Variants in MARCHF6 observed in about 807,000 individuals in gnomAD.
MARCHF6 encodes the protein membrane associated ring-CH-type finger 6.
In MARCHF6, 31 loss-of-function variants were observed where a neutral mutation model predicts 133.7. The observed-to-expected ratio is 0.23, with a 90% confidence interval of 0.17 to 0.31. The LOEUF (loss-of-function observed/expected upper bound fraction) is 0.31. Among genes scored for constraint, MARCHF6 ranks in the 10% least tolerant of loss-of-function variants. The pLI, the probability that MARCHF6 is intolerant of heterozygous loss-of-function variation, is 1.00. For missense variants in MARCHF6, 723 were observed against 1,121.6 expected (o/e 0.64, Z 5.08); for synonymous variants, 395 against 402.5 (o/e 0.98, Z 0.22).
Position 10,411,461 on chromosome 5 carries a change from C to T in MARCHF6, c.1820C>T (p.Ala607Val). Residue 607 changes from alanine (A) to valine (V), a missense_variant, in exon 19 of 26, where the codon GCC becomes GTC. Ala to Val is a moderately conservative substitution (Grantham distance 64, BLOSUM62 0). Transcript: ENST00000274140. ...GTGGTGGGAGAAGGCCTTCATGCAGCCCACCAAGCCATACTCCAGCAGGGA... is the reference window on the plus strand; with the variant it reads ...GTGGTGGGAGAAGGCCTTCATGCAGTCCACCAAGCCATACTCCAGCAGGGA... ...IPVVGEGLHA[A>V]HQAILQQGGP... The T allele has an allele frequency of 6.2e-7, 1 of 1,614,164 alleles. No homozygotes were observed. The highest frequency in any genetic ancestry group is 2.2e-5 in the East Asian group (1 of 44,890).
At chr5:10,417,136 TA>T in intron 21 of MARCHF6, 133 bp from the exon 22 acceptor site, 1 of 1,031,956 alleles carries the variant, frequency 9.7e-7, no homozygotes, top group Non-Finnish European at 1.4e-6. Flanking sequence ...TTCTGGATCC[TA>T]AAACCAGTCC....
chr5:10,372,933 T>C (rs1736554777), intron 1 of MARCHF6, among the ~76,000 whole-genome samples: 1 of 152,126 alleles, frequency 6.6e-6, no homozygotes, highest in African/African-American at 2.4e-5. Context: ...TGGTGGCTCA[T>C]GCCTGTAATC....
At position 10,410,246 on chromosome 5, in the gene MARCHF6, G is replaced by A. The variant is rs200089051; in HGVS notation, c.1661G>A (p.Arg554Gln). 6.2e-7 allele frequency: 1 copy of A among 1,613,330 alleles called. No individual in the cohort carries two copies. The highest frequency in any genetic ancestry group is 2.2e-5 in the East Asian group (1 of 44,874). ...AGGCAGTGGCTGAAGGGGCTGGTGCGAGCGTGGACTGTGACCGCCGGATAC... is the reference window on the plus strand; with the variant it reads ...AGGCAGTGGCTGAAGGGGCTGGTGCAAGCGTGGACTGTGACCGCCGGATAC... ...HTRQWLKGLV[R>Q]AWTVTAGYLL... Residue 554 changes from arginine to glutamine, a missense_variant, in exon 18 of 26, where the codon CGA becomes CAA. Arg to Gln is a conservative substitution (Grantham distance 43). Coordinates refer to ENST00000274140, the MANE Select transcript of MARCHF6 (RefSeq NM_005885.4).
chr5:10,356,039 T>G (rs947755303), intron 1 of MARCHF6, among the ~76,000 whole-genome samples: 2 of 152,236 alleles, frequency 1.3e-5, no homozygotes, highest in African/African-American at 4.8e-5. Flanking sequence ...AATTCCAGTT[T>G]GGAAGTCTTC....
chr5:10,379,624 C>A (rs1392031438), intron 3 of MARCHF6, among the ~76,000 whole-genome samples: 1 of 152,070 alleles, frequency 6.6e-6, no homozygotes, highest in African/African-American at 2.4e-5. Context: ...CCACACCTGG[C>A]TAATTTTTTT....
intron 10 of MARCHF6, among the ~76,000 whole-genome samples, chr5:10,399,265 C>A (rs1166766999): frequency 6.6e-6 from 1 of 151,982 alleles, no homozygotes; most frequent in African/African-American, 2.4e-5. Context: ...TATTAAATTT[C>A]TTCTGCTTTA....
At chr5:10,366,710 G>T (rs1017002495) in intron 1 of MARCHF6, among the ~76,000 whole-genome samples, 1 of 152,194 alleles carries the variant, frequency 6.6e-6, no homozygotes, top group Non-Finnish European at 1.5e-5. Flanking sequence ...GAAAGAGCAG[G>T]GGGGAGGTGA....
At chr5:10,422,626 T>G (rs1243441441) in intron 22 of MARCHF6, among the ~76,000 whole-genome samples, 1 of 152,128 alleles carries the variant, frequency 6.6e-6, no homozygotes, top group Non-Finnish European at 1.5e-5. Flanking sequence ...AGGGTGAAGA[T>G]TGATATTTGA....
At chr5:10,422,714 G>T (rs73740712) in intron 22 of MARCHF6, among the ~76,000 whole-genome samples, 2,468 of 140,024 alleles carry the variant, frequency 0.018, 179 homozygotes, top group African/African-American at 0.079. Context: ...AATCAAACCA[G>T]TAAAGAAATG....
At chr5:10,408,238 C>T (rs925283260) in intron 17 of MARCHF6, among the ~76,000 whole-genome samples, 2 of 152,216 alleles carry the variant, frequency 1.3e-5, no homozygotes, top group South Asian at 2.1e-4. Flanking sequence ...TCTAGATTTT[C>T]TAGAACTTGG....
chr5:10,405,977 C>T (rs2640708), intron 16 of MARCHF6, among the ~76,000 whole-genome samples: 25,660 of 152,118 alleles, frequency 0.17, 3,372 homozygotes, highest in East Asian at 0.68. Flanking sequence ...TAGGAATGGC[C>T]GCACAGCAGG....
At chr5:10,369,333 CGT>C (rs1246604150) in intron 1 of MARCHF6, among the ~76,000 whole-genome samples, 2 of 152,168 alleles carry the variant, frequency 1.3e-5, no homozygotes, top group African/African-American at 2.4e-5. Context: ...GGATGAAAAA[CGT>C]GTGCTCATTG....
rs189808201 is a variant in MARCHF6, at chr5:10,436,752, C to T, written c.*3068C>T. 18 of 152,150 alleles carry T rather than the reference C, an allele frequency of 1.2e-4. No homozygotes were observed. In the East Asian group the frequency reaches 2.7e-3, roughly 23 times the overall value. 9.4% of individuals were successfully genotyped at this position (152,150 alleles called of 1,614,324 possible). A position where few individuals can be genotyped will look rare whatever the true frequency, so the allele number is the denominator to read the frequency against. ...AAACTGAAGAAAAATGCCAATGTGA[C>T]GTTTGTGTATAGCTAGCCTTAAAAA... On this transcript the variant is annotated 3_prime_UTR_variant, in exon 26 of 26. Transcript: ENST00000274140.
rs758797241 is a variant in MARCHF6, at chr5:10,421,593, T to C, written c.2284-2142T>C. Among the ~76,000 whole-genome samples, 59 of 152,198 alleles carry C rather than the reference T, an allele frequency of 3.9e-4. 1 individual carries two copies. Among genetic ancestry groups the C allele is most frequent in the Non-Finnish European group, 2.1e-4 (14 of 68,036 alleles). ...CTAGCAGAGCAGCTAGTGTGGTGTGTCCTGTCTGGCAGGAGAGGACTGCAA... is the reference window on the plus strand; with the variant it reads ...CTAGCAGAGCAGCTAGTGTGGTGTGCCCTGTCTGGCAGGAGAGGACTGCAA... On this transcript the variant is annotated intron_variant, in intron 22 of 25. Coordinates refer to ENST00000274140, the MANE Select transcript of MARCHF6 (RefSeq NM_005885.4).
In MARCHF6 at chr5:10,391,522, G is replaced by A; in HGVS notation, c.577-20G>A. 6.9e-7 allele frequency: 1 copy of A among 1,440,156 alleles called. No individual in the cohort carries two copies. The highest frequency in any genetic ancestry group is 1.2e-5 in the South Asian group (1 of 86,944). 89.2% of individuals were successfully genotyped at this position (1,440,156 alleles called of 1,614,324 possible). A position where few individuals can be genotyped will look rare whatever the true frequency, so the allele number is the denominator to read the frequency against. On this transcript the variant is annotated intron_variant, in intron 6 of 25. Transcript: ENST00000274140. ...AACAGACAAGTGGATCTAAATTTCT[G>A]GGCTTTTCTGTGATTTTAGGCTCCA...
rs930474237 is a variant in MARCHF6, at chr5:10,353,711, C to G, written c.-188C>G. On this transcript the variant is annotated 5_prime_UTR_variant, in exon 1 of 26. Coordinates refer to ENST00000274140, the MANE Select transcript of MARCHF6 (RefSeq NM_005885.4). ...CCCCTAGGTGTTCCCGCCCCTCCCC[C>G]TCCCGTGTCGCTCGCTTTCTGTCAG... 12 of 493,378 alleles carry G rather than the reference C, an allele frequency of 2.4e-5. No homozygotes were observed. In the East Asian group the frequency reaches 4.1e-4, roughly 17 times the overall value. The allele number at this position is 493,378 out of a possible 1,614,324, so 30.6% of individuals were successfully genotyped here.
At chr5:10,369,206 T>C (rs1736314424) in intron 1 of MARCHF6, among the ~76,000 whole-genome samples, 1 of 152,212 alleles carries the variant, frequency 6.6e-6, no homozygotes, top group Non-Finnish European at 1.5e-5. Flanking sequence ...ATGCCTAATT[T>C]CAGAGGTGGC....
At chr5:10,410,389 A>G in intron 18 of MARCHF6, 113 bp downstream of exon 18, 2 of 1,272,634 alleles carry the variant, frequency 1.6e-6, no homozygotes, top group Non-Finnish European at 2.1e-6. Context: ...TTTTAATAAG[A>G]GACAATTTAG....
At chr5:10,355,091 A>G (rs1481235562) in intron 1 of MARCHF6, among the ~76,000 whole-genome samples, 1 of 152,206 alleles carries the variant, frequency 6.6e-6, no homozygotes, top group Non-Finnish European at 1.5e-5. Flanking sequence ...CGTTATTTTA[A>G]TAGCTTGTCG....
Sources: gnomAD v4.1 joint callset for allele counts (sites outside exome capture counted in the v4.1 genomes callset) on GRCh38, gnomAD v4.1.1 for gene constraint, MANE v1.5 for transcripts, NCBI Gene and HGNC (gene_info 2026-07-23, HGNC 2026-07-21) for gene names.